The following OSBPL8 variants were observed in gnomAD, a reference collection of about 807,000 sequenced individuals.
OSBPL8 encodes the protein oxysterol binding protein like 8, also known as oxysterol-binding protein-related protein 8.
A neutral mutation model predicts 125.5 loss-of-function variants in OSBPL8; 59 were observed. The ratio of observed to expected loss-of-function variants is 0.47; its 90% CI spans 0.38 to 0.58. The LOEUF is 0.58. Ranked by LOEUF, OSBPL8 falls within the 20% of genes least tolerant of loss-of-function variation. The probability of loss-of-function intolerance (pLI) is 0.00; values close to 1 mark genes in which losing one functional copy is unlikely to be tolerated. For synonymous variants in OSBPL8, 330 were observed against 338.9 expected, an observed-to-expected ratio of 0.97 and a Z score of 0.29; for missense variants, 758 against 1,047.8, an observed-to-expected ratio of 0.72 and a Z score of 3.82.
At chr12:76,416,919 A>C (rs2136460808) in intron 4 of OSBPL8, among the ~76,000 whole-genome samples, 1 of 152,264 alleles carries the variant, frequency 6.6e-6, no homozygotes, top group East Asian at 1.9e-4. Context: ...TAAATTAATC[A>C]TTGTGTTTAG....
intron 4 of OSBPL8, among the ~76,000 whole-genome samples, chr12:76,448,568 C>A (rs895177757): frequency 6.6e-6 from 1 of 152,078 alleles, no homozygotes; most frequent in Non-Finnish European, 1.5e-5. Flanking sequence ...ATTTTGGCAA[C>A]AAAAATGCTA....
chr12:76,535,357 GC>G (rs1438889372), intron 1 of OSBPL8, among the ~76,000 whole-genome samples: 1 of 151,976 alleles, frequency 6.6e-6, no homozygotes, highest in African/African-American at 2.4e-5. Context: ...AAGAAAAGAT[GC>G]TTACTACCAC....
At chr12:76,472,306 C>T (rs1017748143) in intron 2 of OSBPL8, among the ~76,000 whole-genome samples, 1 of 152,204 alleles carries the variant, frequency 6.6e-6, no homozygotes. Flanking sequence ...CAATCAATCA[C>T]CAGGTCCTGC....
chr12:76,473,911 T>TTTA lies in OSBPL8; in HGVS notation c.42+13596_42+13598dup, dbSNP rs149035500. Among the ~76,000 whole-genome samples, 355 of 152,334 alleles carry TTTA rather than the reference T, an allele frequency of 2.3e-3. 11 individuals are homozygous for TTTA. The East Asian group carries it at 0.055, about 24-fold the overall frequency. ...AATTCTATCTATCTCATAGGGTTAT[T>TTTA]TTAAAGATTAAATGAGTTTATGGGC... On this transcript the variant is annotated intron_variant, in intron 2 of 23. Transcript: ENST00000261183.
At chr12:76,525,599 AAACTT>A (rs1011108949) in intron 1 of OSBPL8, among the ~76,000 whole-genome samples, 3 of 152,178 alleles carry the variant, frequency 2.0e-5, no homozygotes, top group African/African-American at 4.8e-5. Flanking sequence ...TGGGGGGAAA[AAACTT>A]AAGACTACAA....
chr12:76,473,530 C>G (rs549287661), intron 2 of OSBPL8, among the ~76,000 whole-genome samples: 2 of 152,288 alleles, frequency 1.3e-5, no homozygotes, highest in South Asian at 4.1e-4. Context: ...ATATACGCAA[C>G]TCACCCTCTG....
At chr12:76,528,897 A>G (rs998158257) in intron 1 of OSBPL8, among the ~76,000 whole-genome samples, 1 of 151,756 alleles carries the variant, frequency 6.6e-6, no homozygotes, top group Non-Finnish European at 1.5e-5. Flanking sequence ...CAACTTTAAA[A>G]TTTCATCAAA....
chr12:76,494,946 A>AT (rs900044840), intron 1 of OSBPL8, among the ~76,000 whole-genome samples: 4 of 152,136 alleles, frequency 2.6e-5, no homozygotes, highest in African/African-American at 9.7e-5. Context: ...CAGGGAGTAG[A>AT]TACCAAAGGA....
At chr12:76,395,430 T>C (rs909600344) in intron 8 of OSBPL8, among the ~76,000 whole-genome samples, 1 of 152,186 alleles carries the variant, frequency 6.6e-6, no homozygotes, top group Non-Finnish European at 1.5e-5. Flanking sequence ...TTCAAAGGGT[T>C]CTTTAAAGTT....
intron 10 of OSBPL8, among the ~76,000 whole-genome samples, 164 bp from the exon 11 acceptor site, chr12:76,390,821 GAGAT>G (rs1953528695): frequency 6.6e-6 from 1 of 152,128 alleles, no homozygotes; most frequent in Non-Finnish European, 1.5e-5. Flanking sequence ...ATAACCCTAT[GAGAT>G]AGGTAGTATT....
At chr12:76,460,495 CAA>C (rs912554875) in intron 2 of OSBPL8, among the ~76,000 whole-genome samples, 46 of 69,280 alleles carry the variant, frequency 6.6e-4, no homozygotes, top group Admixed American at 1.3e-3. Flanking sequence ...TCTCAATTGG[CAA>C]AAAAAAAAAA....
At chr12:76,515,376 T>C (rs1355079705) in intron 1 of OSBPL8, among the ~76,000 whole-genome samples, 3 of 152,204 alleles carry the variant, frequency 2.0e-5, no homozygotes, top group Non-Finnish European at 4.4e-5. Flanking sequence ...GATCTTTATT[T>C]CATGGAAGCT....
intron 1 of OSBPL8, among the ~76,000 whole-genome samples, chr12:76,490,538 C>T (rs141067803): frequency 1.3e-5 from 2 of 152,352 alleles, no homozygotes; most frequent in African/African-American, 4.8e-5. Context: ...GGCTGGGCTT[C>T]AGGGAAAGAT....
At chr12:76,446,318 C>G (rs1872718058) in intron 4 of OSBPL8, among the ~76,000 whole-genome samples, 1 of 152,098 alleles carries the variant, frequency 6.6e-6, no homozygotes. Flanking sequence ...TGACCAAAAG[C>G]TAACAGATAA....
At chr12:76,432,694 A>G (rs1286170025) in intron 4 of OSBPL8, among the ~76,000 whole-genome samples, 1 of 152,158 alleles carries the variant, frequency 6.6e-6, no homozygotes, top group Non-Finnish European at 1.5e-5. Flanking sequence ...TAAAAATTAG[A>G]GCAGAAATAA....
chr12:76,386,687 T>A, intron 12 of OSBPL8, 27 bp from the exon 13 acceptor site: 1 of 1,523,426 alleles, frequency 6.6e-7, no homozygotes. Flanking sequence ...TAAACAAAAA[T>A]TTTAAAAAAT....
chr12:76,401,037 C>A (rs1314165973), intron 6 of OSBPL8, among the ~76,000 whole-genome samples: 1 of 152,086 alleles, frequency 6.6e-6, no homozygotes, highest in Non-Finnish European at 1.5e-5. Flanking sequence ...GATCCGCCCG[C>A]CTCTCAAAGT....
rs573409160 is a variant in OSBPL8, at chr12:76,526,635, CTTT to C, written c.-68+32759_-68+32761del. The stretch of plus-strand genomic sequence containing the variant: ...TGTTATACTTGCTATCAGTAAATCT[CTTT>C]TTTTTTTTTTTTTTTTTTTTTTTTT... On this transcript the variant is annotated intron_variant, in intron 1 of 23. Transcript: ENST00000261183. Among the ~76,000 whole-genome samples, 235 of 64,138 alleles carry C rather than the reference CTTT, an allele frequency of 3.7e-3. 1 individual carries two copies. The highest frequency in any genetic ancestry group is 0.011 in the African/African-American group (200 of 18,950). 42.1% of individuals were successfully genotyped at this position (64,138 alleles called of 152,430 possible).
intron 1 of OSBPL8, among the ~76,000 whole-genome samples, chr12:76,544,424 G>C (rs1239290682): frequency 6.6e-6 from 1 of 152,122 alleles, no homozygotes; most frequent in Admixed American, 6.6e-5. Flanking sequence ...GTAAAGAAAT[G>C]TCAAATGCAT....
Sources: allele counts gnomAD v4.1 joint callset (sites outside exome capture counted in the v4.1 genomes callset), GRCh38; gene constraint gnomAD v4.1.1; transcripts MANE v1.5; gene names NCBI Gene and HGNC (gene_info 2026-07-23, HGNC 2026-07-21).